The following LPA variants were observed in gnomAD, a reference collection of about 807,000 sequenced individuals.
LPA encodes lipoprotein(a), also known as apolipoprotein(a).
In LPA, 199 loss-of-function variants were observed where a neutral mutation model predicts 197.9. That is an observed-to-expected ratio of 1.01 (90% confidence interval 0.90 to 1.13). LPA has a LOEUF of 1.13. Ranked by LOEUF, LPA falls within the 50% of genes most tolerant of loss-of-function variation. LPA has a pLI of 0.00. For synonymous variants in LPA, 715 were observed against 639.5 expected, an observed-to-expected ratio of 1.12 and a Z score of -1.78; for missense variants, 1,853 against 1,785.8, an observed-to-expected ratio of 1.04 and a Z score of -0.68.
At chr6:160,635,011 C>G (rs1488849427) in intron 7 of LPA, 112 bp downstream of exon 7, 3 of 1,506,618 alleles carry the variant, frequency 2.0e-6, no homozygotes, top group African/African-American at 2.9e-5. Context: ...GGCAGAACTC[C>G]GGCAACACTC....
intron 34 of LPA, among the ~76,000 whole-genome samples, chr6:160,541,979 G>C (rs1777988094): frequency 8.2e-6 from 1 of 121,302 alleles, no homozygotes; most frequent in African/African-American, 2.6e-5. Flanking sequence ...AGTCTCTTTA[G>C]AGGAGAACAG....
intron 28 of LPA, among the ~76,000 whole-genome samples, chr6:160,562,758 C>T (rs571852091): frequency 1.3e-5 from 2 of 152,248 alleles, no homozygotes; most frequent in South Asian, 4.1e-4. Context: ...TGTTATTGGT[C>T]TATTCAGGGA....
intron 28 of LPA, 143 bp from the exon 29 acceptor site, chr6:160,557,714 C>T (rs1453849825): frequency 1.6e-6 from 1 of 641,562 alleles, no homozygotes; most frequent in African/African-American, 1.8e-5. Flanking sequence ...TTCCGAAAAG[C>T]AAAAACGGTC....
chr6:160,653,962 TATATTATA>T, intron 1 of LPA, among the ~76,000 whole-genome samples: 1 of 30,958 alleles, frequency 3.2e-5, no homozygotes, highest in Non-Finnish European at 5.4e-5. Flanking sequence ...ATATATAATA[TATATTATA>T]TATAATATAT....
chr6:160,558,218 C>T (rs760249615), intron 28 of LPA, among the ~76,000 whole-genome samples: 3 of 152,062 alleles, frequency 2.0e-5, no homozygotes, highest in South Asian at 2.1e-4. Context: ...TGCGCCTGGC[C>T]TTAGATTTTT....
chr6:160,565,018 G>A (rs980097620), intron 28 of LPA, among the ~76,000 whole-genome samples: 13 of 152,264 alleles, frequency 8.5e-5, no homozygotes, highest in Admixed American at 2.6e-4. Flanking sequence ...TAAACAAAGC[G>A]ACCAGGAAGC....
chr6:160,555,375 C>T (rs1289854205), intron 30 of LPA, among the ~76,000 whole-genome samples: 1 of 140,482 alleles, frequency 7.1e-6, no homozygotes, highest in Non-Finnish European at 1.5e-5. Flanking sequence ...GCTGTGCAGG[C>T]TATAGGGTAT....
intron 18 of LPA, among the ~76,000 whole-genome samples, chr6:160,602,654 T>A (rs183165186): frequency 1.3e-5 from 2 of 152,356 alleles, no homozygotes; most frequent in African/African-American, 4.8e-5. Context: ...GGGCAACATC[T>A]CTTGTTACAC....
At chr6:160,607,909 T>C (rs1779393171) in intron 16 of LPA, among the ~76,000 whole-genome samples, 1 of 152,144 alleles carries the variant, frequency 6.6e-6, no homozygotes, top group Admixed American at 6.5e-5. Flanking sequence ...ATTTGCAATA[T>C]CTCCTTGAAC....
rs1778119805 is a variant in LPA at position 160,548,650 on chromosome 6, T to C, written c.4983A>G (p.Thr1661=). The change falls in exon 31 of 39, where the codon ACA becomes ACG. Residue 1661 remains threonine, a synonymous_variant. Transcript: ENST00000316300. Reference sequence around the variant, plus strand: ...CATCTGGATTCCTGCAGTAGTTCATTGTCAGGCCACTGGAAATTCCAAAGC... The same window carrying C: ...CATCTGGATTCCTGCAGTAGTTCATCGTCAGGCCACTGGAAATTCCAAAGC... The part of the protein sequence containing the change: ...TPENYPNDGL[T]MNYCRNPDAD... 1 of 1,613,902 alleles carries C rather than the reference T, an allele frequency of 6.2e-7. No homozygotes were observed. The highest frequency in any genetic ancestry group is 1.7e-5 in the Admixed American group (1 of 59,990).
chr6:160,556,797 C>T (rs1436815610), intron 29 of LPA, among the ~76,000 whole-genome samples: 1 of 152,112 alleles, frequency 6.6e-6, no homozygotes, highest in Admixed American at 6.5e-5. Context: ...CCTCTCAACA[C>T]ACACCAAAGA....
At chr6:160,562,433 G>A (rs1778378498) in intron 28 of LPA, among the ~76,000 whole-genome samples, 1 of 152,168 alleles carries the variant, frequency 6.6e-6, no homozygotes, top group Admixed American at 6.5e-5. Context: ...TGATCATGGT[G>A]GATAAGCTTT....
chr6:160,590,731 C>T (rs1779008742), intron 23 of LPA, among the ~76,000 whole-genome samples: 1 of 152,188 alleles, frequency 6.6e-6, no homozygotes, highest in East Asian at 1.9e-4. Context: ...AGAAGGTCTG[C>T]ACGCTTCCTA....
At chr6:160,661,115 C>T (rs539493492) in intron 1 of LPA, among the ~76,000 whole-genome samples, 2 of 152,044 alleles carry the variant, frequency 1.3e-5, no homozygotes, top group African/African-American at 4.8e-5. Context: ...TTCAGCAGCC[C>T]TCTTCCAAGC....
intron 37 of LPA, 57 bp from the exon 38 acceptor site, chr6:160,532,706 A>T: frequency 8.3e-7 from 1 of 1,200,650 alleles, no homozygotes. Flanking sequence ...TTCACGAGGA[A>T]ATTCCAGAAG....
rs879072141 is a variant in LPA at position 160,599,420 on chromosome 6, C to A, written c.3287+80G>T. The A allele has an allele frequency of 5.7e-6, 9 of 1,576,316 alleles. No individual in the cohort carries two copies. In the South Asian group the frequency reaches 6.6e-5, roughly 12 times the overall value. ...CATCTGAGCCAAGTTGAGTCCTGAG[C>A]AGTCACCTTGAAGCATGACTCTTCT... On this transcript the variant is annotated intron_variant, in intron 20 of 38. Coordinates refer to ENST00000316300, the MANE Select transcript of LPA (RefSeq NM_005577.4).
chr6:160,547,353 C>T (rs539815687), intron 32 of LPA, among the ~76,000 whole-genome samples: 1 of 152,296 alleles, frequency 6.6e-6, no homozygotes, highest in Non-Finnish European at 1.5e-5. Flanking sequence ...AATGCTGCCT[C>T]TGATCTGACA....
At chr6:160,573,945 G>A (rs536387659) in intron 28 of LPA, among the ~76,000 whole-genome samples, 4 of 152,232 alleles carry the variant, frequency 2.6e-5, no homozygotes, top group Admixed American at 6.5e-5. Context: ...AGAGGTGGGT[G>A]GGCCCTAGAA....
intron 28 of LPA, among the ~76,000 whole-genome samples, chr6:160,574,136 T>C (rs1036450435): frequency 6.6e-6 from 1 of 152,154 alleles, no homozygotes; most frequent in Admixed American, 6.5e-5. Context: ...AGGAGGATTA[T>C]GGCTGCCTCT....
Sources: allele counts gnomAD v4.1 joint callset (sites outside exome capture counted in the v4.1 genomes callset), GRCh38; gene constraint gnomAD v4.1.1; transcripts MANE v1.5; gene names NCBI Gene and HGNC (gene_info 2026-07-23, HGNC 2026-07-21).